LSM14A: variants seen among roughly 807,000 people sequenced by gnomAD.
LSM14A encodes protein LSM14 homolog A.
Under a neutral mutation model 52.4 loss-of-function variants are expected in LSM14A, and 14 were observed. That is an observed-to-expected ratio of 0.27 (90% CI 0.18 to 0.42). The LOEUF is 0.42. LSM14A is among the 10% of genes least tolerant of loss of function. The pLI is 1.00. For synonymous variants in LSM14A, 185 were observed against 200.3 expected (o/e 0.92, Z 0.64); for missense variants, 417 against 581.8 (o/e 0.72, Z 2.91).
Position 34,228,688 on chromosome 19 carries a change from G to A in LSM14A, c.*1300G>A, listed in dbSNP as rs2073459955. 6.6e-6 allele frequency: 1 copy of A among 152,554 alleles called. No individual in the cohort carries two copies. Among genetic ancestry groups the A allele is most frequent in the South Asian group, 2.1e-4 (1 of 4,826 alleles). The allele number at this position is 152,554 out of a possible 1,614,324, so 9.5% of individuals were successfully genotyped here. ...TGGCCACTTTTGTGTTTTTATGAAG[G>A]CCATGGAATAAAAGGATCCAAAGAT... On this transcript the variant is annotated 3_prime_UTR_variant, in exon 10 of 10. Coordinates refer to ENST00000544216, the MANE Select transcript of LSM14A (RefSeq NM_015578.4).
Position 34,197,815 on chromosome 19 carries a change from G to A in LSM14A, c.415+1052G>A, listed in dbSNP as rs182469597. ...TAAAGATACGCATAGCATGATTGAG[G>A]GCTTGGTGTTTTGTTTCTGTAACAC... On this transcript the variant is annotated intron_variant, in intron 3 of 9. Coordinates refer to ENST00000544216, the MANE Select transcript of LSM14A (RefSeq NM_015578.4). 3.4e-3 allele frequency among the ~76,000 whole-genome samples: 518 copies of A among 152,162 alleles called. 1 individual carries two copies. Among genetic ancestry groups the A allele is most frequent in the Admixed American group, 7.5e-3 (115 of 15,288 alleles).
intron 1 of LSM14A, among the ~76,000 whole-genome samples, chr19:34,183,083 T>C (rs2069615059): frequency 6.6e-6 from 1 of 152,162 alleles, no homozygotes; most frequent in African/African-American, 2.4e-5. Context: ...CTTGGTTTTA[T>C]CATTTGGAGA....
Position 34,217,019 on chromosome 19 carries a change from T to G in LSM14A, c.781+1358T>G, listed in dbSNP as rs939469222. Among the ~76,000 whole-genome samples the G allele has an allele frequency of 9.9e-5, 15 of 152,234 alleles. No homozygotes were observed. In the East Asian group the frequency reaches 2.9e-3, roughly 29 times the overall value. On this transcript the variant is annotated intron_variant, in intron 6 of 9. Transcript: ENST00000544216. Reference sequence around the variant, plus strand: ...GCTCACACCTGTAATCTCAGCACTTTGGGACGCCGAGGCGGGCAGGTCACG... The same window carrying G: ...GCTCACACCTGTAATCTCAGCACTTGGGGACGCCGAGGCGGGCAGGTCACG...
At chr19:34,217,047 G>A (rs1480736940) in intron 6 of LSM14A, among the ~76,000 whole-genome samples, 2 of 152,128 alleles carry the variant, frequency 1.3e-5, no homozygotes, top group African/African-American at 4.8e-5. Flanking sequence ...AGGTCACGAG[G>A]TCAGGAGTTT....
At chr19:34,203,009 C>G (rs1227914678) in intron 3 of LSM14A, among the ~76,000 whole-genome samples, 1 of 152,164 alleles carries the variant, frequency 6.6e-6, no homozygotes, top group Admixed American at 6.6e-5. Context: ...GAGATTAGAT[C>G]ATTACTGGCC....
chr19:34,197,100 G>GT (rs963219603), intron 3 of LSM14A, among the ~76,000 whole-genome samples: 52 of 151,230 alleles, frequency 3.4e-4, no homozygotes, highest in Middle Eastern at 3.5e-3. Flanking sequence ...GTTTTGTTTT[G>GT]TTTTTTTTAA....
chr19:34,207,432 C>G (rs1391250170), intron 3 of LSM14A, among the ~76,000 whole-genome samples: 1 of 152,126 alleles, frequency 6.6e-6, no homozygotes, highest in Non-Finnish European at 1.5e-5. Flanking sequence ...TATTAGGCTT[C>G]TCCTGAGCTT....
chr19:34,178,084 C>T (rs2069203736), intron 1 of LSM14A, among the ~76,000 whole-genome samples: 1 of 151,748 alleles, frequency 6.6e-6, no homozygotes, highest in South Asian at 2.1e-4. Context: ...TTGCTTGAAC[C>T]TGAAAGGCGG....
intron 4 of LSM14A, among the ~76,000 whole-genome samples, chr19:34,210,330 C>G (rs2072041963): frequency 6.7e-6 from 1 of 150,076 alleles, no homozygotes; most frequent in Non-Finnish European, 1.5e-5. Context: ...AGTGCAGTGG[C>G]ACAATCTCGG....
chr19:34,207,302 CA>C (rs2071774843), intron 3 of LSM14A, among the ~76,000 whole-genome samples: 1 of 152,088 alleles, frequency 6.6e-6, no homozygotes, highest in South Asian at 2.1e-4. Flanking sequence ...AAATATACAT[CA>C]AAGTGGCTGA....
rs1479391608 is a variant in LSM14A, at chr19:34,215,216, G to T, written c.631G>T (p.Ala211Ser). 2 of 1,614,170 alleles carry T rather than the reference G, an allele frequency of 1.2e-6. No individual in the cohort carries two copies. The highest frequency in any genetic ancestry group is 1.7e-6 in the Non-Finnish European group (2 of 1,180,014). Residue 211 changes from alanine (A) to serine (S), a missense_variant, in exon 5 of 10, where the codon GCT (alanine) becomes TCT (serine). Ala to Ser is a moderately conservative substitution (Grantham distance 99). Around this residue, in one of 2 missense-constraint regions of LSM14A, gnomAD observed 357 missense variants for 457.0 expected, o/e 0.78. Transcript: ENST00000544216. ...CTCAGCCCACTTACCTGCTCCAGCA[G>T]CTGTTGGGAGAAGGAGTCCTGTATC... is the stretch of plus-strand genomic sequence containing the variant. ...TASAHLPAPA[A>S]VGRRSPVSTR...
chr19:34,177,332 C>T (rs972490274), intron 1 of LSM14A, among the ~76,000 whole-genome samples: 1 of 151,946 alleles, frequency 6.6e-6, no homozygotes, highest in Non-Finnish European at 1.5e-5. Flanking sequence ...TTCACATTGA[C>T]GTTTATAATG....
intron 1 of LSM14A, among the ~76,000 whole-genome samples, chr19:34,191,838 A>C (rs922510166): frequency 6.6e-6 from 1 of 152,268 alleles, no homozygotes; most frequent in African/African-American, 2.4e-5. Flanking sequence ...AGATTGATTT[A>C]TTTGTAATTA....
At chr19:34,182,498 T>C (rs1236347588) in intron 1 of LSM14A, among the ~76,000 whole-genome samples, 1 of 152,038 alleles carries the variant, frequency 6.6e-6, no homozygotes. Context: ...TTGGTTTGGT[T>C]TGATTTTTCC....
At chr19:34,212,494 T>G (rs778600880) in intron 4 of LSM14A, among the ~76,000 whole-genome samples, 11 of 152,200 alleles carry the variant, frequency 7.2e-5, no homozygotes, top group Non-Finnish European at 8.8e-5. Flanking sequence ...ATGTTAAAAA[T>G]TTTGAAGTAT....
intron 9 of LSM14A, among the ~76,000 whole-genome samples, chr19:34,224,776 C>T (rs1220515422): frequency 6.6e-6 from 1 of 152,256 alleles, no homozygotes; most frequent in African/African-American, 2.4e-5. Flanking sequence ...CATCCCCATT[C>T]ATTTACCAAA....
intron 1 of LSM14A, among the ~76,000 whole-genome samples, chr19:34,192,270 G>A (rs2070431428): frequency 1.4e-5 from 2 of 144,934 alleles, no homozygotes; most frequent in Non-Finnish European, 3.0e-5. Context: ...AGAACTTTTA[G>A]AATAAGAGTG....
At chr19:34,198,944 AC>A (rs2071080740) in intron 3 of LSM14A, among the ~76,000 whole-genome samples, 1 of 151,878 alleles carries the variant, frequency 6.6e-6, no homozygotes. Flanking sequence ...CCAAGATCGT[AC>A]CACTGCACTC....
intron 1 of LSM14A, among the ~76,000 whole-genome samples, chr19:34,185,902 G>GTT (rs1273234860): frequency 1.6e-4 from 25 of 152,142 alleles, no homozygotes; most frequent in Non-Finnish European, 2.9e-4. Flanking sequence ...GGTTGGGTTT[G>GTT]TTTTTCCCAC....
Sources: allele counts gnomAD v4.1 joint callset (sites outside exome capture counted in the v4.1 genomes callset), GRCh38; gene constraint gnomAD v4.1.1; regional missense constraint gnomAD v4.1.1; transcripts MANE v1.5; gene names NCBI Gene and HGNC (gene_info 2026-07-23, HGNC 2026-07-21).